SREBF2: variants seen among roughly 807,000 people sequenced by gnomAD.
The protein encoded by SREBF2 is sterol regulatory element-binding protein 2.
In SREBF2, 55 loss-of-function variants were observed where a neutral mutation model predicts 113.1. The observed-to-expected ratio is 0.49, with a 90% CI of 0.39 to 0.61. The LOEUF (loss-of-function observed/expected upper bound fraction) is 0.61. SREBF2 is among the 20% of genes least tolerant of loss of function. The pLI, the probability that SREBF2 is intolerant of heterozygous loss-of-function variation, is 0.00. For synonymous variants in SREBF2, 593 were observed against 605.7 expected, an observed-to-expected ratio of 0.98 and a Z score of 0.31; for missense variants, 1,349 against 1,487.4, an observed-to-expected ratio of 0.91 and a Z score of 1.53.
intron 1 of SREBF2, among the ~76,000 whole-genome samples, chr22:41,866,565 A>G (rs559956654): frequency 2.6e-5 from 4 of 152,062 alleles, no homozygotes; most frequent in South Asian, 2.1e-4. Flanking sequence ...AAAAGAAAAA[A>G]GAAAGAAAAT....
At chr22:41,885,263 T>G (rs148966173) in intron 11 of SREBF2, among the ~76,000 whole-genome samples, 1 of 152,288 alleles carries the variant, frequency 6.6e-6, no homozygotes, top group African/African-American at 2.4e-5. Context: ...TGAGGTAATA[T>G]GAGGTAATAT....
intron 1 of SREBF2, among the ~76,000 whole-genome samples, chr22:41,864,257 TATATACACACACACACAC>T (rs2077052398): frequency 1.4e-5 from 1 of 72,796 alleles, no homozygotes; most frequent in Admixed American, 1.6e-4. Context: ...TATATATATA[TATATACACACACACACAC>T]ACACACACAA....
intron 1 of SREBF2, among the ~76,000 whole-genome samples, chr22:41,858,488 C>T (rs1256599455): frequency 1.3e-5 from 2 of 151,618 alleles, no homozygotes; most frequent in Non-Finnish European, 2.9e-5. Context: ...CATGTTGGCT[C>T]ATGCTTGTAA....
At chr22:41,844,992 G>A (rs990097127) in intron 1 of SREBF2, among the ~76,000 whole-genome samples, 1 of 138,160 alleles carries the variant, frequency 7.2e-6, no homozygotes, top group African/African-American at 2.8e-5. Flanking sequence ...GCAGTGGCAC[G>A]ATCTCTGCTC....
Position 41,873,867 on chromosome 22 carries a change from A to G in SREBF2, c.937A>G (p.Ile313Val). The G allele has an allele frequency of 6.2e-7, 1 of 1,613,856 alleles. No homozygotes were observed. Among genetic ancestry groups the G allele is most frequent in the Non-Finnish European group, 8.5e-7 (1 of 1,179,890 alleles). The change falls in exon 5 of 19, where the codon ATT becomes GTT. Residue 313 changes from isoleucine (I) to valine (V), a missense_variant. Ile to Val is a conservative substitution (Grantham distance 29, BLOSUM62 3). Around this residue, in one of 2 missense-constraint regions of SREBF2, gnomAD observed 699 missense variants for 843.3 expected, o/e 0.83. Coordinates refer to ENST00000361204, the MANE Select transcript of SREBF2 (RefSeq NM_004599.4). ...AATGATGGGGCAAGAGAAAGTGCCC[A>G]TTAAGCAGGTACCTGGGGGAGTCAA... is the stretch of plus-strand genomic sequence containing the variant. ...PVMMGQEKVPIKQVPGGVKQL... is the reference protein window; with the variant it reads ...PVMMGQEKVPVKQVPGGVKQL...
chr22:41,902,182 C>T (rs889307749), intron 16 of SREBF2, among the ~76,000 whole-genome samples: 7 of 152,112 alleles, frequency 4.6e-5, no homozygotes, highest in Non-Finnish European at 8.8e-5. Context: ...TCATCAGGAC[C>T]GGAGGGCTGC....
intron 13 of SREBF2, among the ~76,000 whole-genome samples, chr22:41,895,521 T>C (rs2077407135): frequency 6.8e-6 from 1 of 147,740 alleles, no homozygotes; most frequent in African/African-American, 2.5e-5. Flanking sequence ...CTGCAACCTC[T>C]GCCTCCCGGG....
chr22:41,864,769 T>C (rs1023410213), intron 1 of SREBF2, among the ~76,000 whole-genome samples: 8 of 149,598 alleles, frequency 5.3e-5, no homozygotes, highest in Non-Finnish European at 1.2e-4. Context: ...CTGGGCAACA[T>C]GGTGAAATCT....
chr22:41,865,570 T>C (rs900821570), intron 1 of SREBF2, among the ~76,000 whole-genome samples: 19 of 152,150 alleles, frequency 1.2e-4, no homozygotes, highest in Admixed American at 1.2e-3. Flanking sequence ...GGAAGTAGGC[T>C]TGAGACCCTT....
Position 41,893,435 on chromosome 22 carries a change from A to C in SREBF2, c.2377+150A>C. On this transcript the variant is annotated intron_variant, in intron 12 of 18. Transcript: ENST00000361204. ...GTTTGTTTGTTTGTTTGTTTGAACC[A>C]AAGCTCAGGGAGGTTGAGTAACTTG... is the stretch of plus-strand genomic sequence containing the variant. 5.2e-6 allele frequency: 5 copies of C among 970,096 alleles called. No individual in the cohort carries two copies. The South Asian group carries it at 6.9e-5, about 13-fold the overall frequency. The allele number at this position is 970,096 out of a possible 1,614,324, so 60.1% of individuals were successfully genotyped here. A position where few individuals can be genotyped will look rare whatever the true frequency, so the allele number is the denominator to read the frequency against.
At chr22:41,881,312 T>A (rs1390360996) in intron 10 of SREBF2, among the ~76,000 whole-genome samples, 1 of 152,272 alleles carries the variant, frequency 6.6e-6, no homozygotes, top group Non-Finnish European at 1.5e-5. Context: ...TTAAAATTGC[T>A]GACATCTTAG....
At position 41,868,680 on chromosome 22, in the gene SREBF2, T is replaced by TGAAGAC. The variant is rs1211689580; in HGVS notation, c.609_610insAAGACG (p.Val203_Gln204insLysThr). 2 of 1,614,076 alleles carry TGAAGAC rather than the reference T, an allele frequency of 1.2e-6. No individual in the cohort carries two copies. Among genetic ancestry groups the TGAAGAC allele is most frequent in the Non-Finnish European group, 1.7e-6 (2 of 1,180,038 alleles). On this transcript the variant is annotated inframe_insertion, in exon 3 of 19. Coordinates refer to ENST00000361204, the MANE Select transcript of SREBF2 (RefSeq NM_004599.4). ...CAGCCGGTCACCATTCAGCAGCAGG[T>TGAAGAC]GCAGACAGTACAGGCCCAGCGGGTG...
chr22:41,904,999 C>T (rs777740548), intron 18 of SREBF2, 25 bp downstream of exon 18: 3 of 1,547,832 alleles, frequency 1.9e-6, no homozygotes, highest in East Asian at 2.3e-5. Flanking sequence ...CCCCAGCTCA[C>T]AGGCTGGGCC....
chr22:41,858,124 T>C (rs1227587990), intron 1 of SREBF2, among the ~76,000 whole-genome samples: 1 of 152,220 alleles, frequency 6.6e-6, no homozygotes, highest in Non-Finnish European at 1.5e-5. Flanking sequence ...TTCTGTACAT[T>C]CAATCAGGAT....
chr22:41,902,958 C>G lies in SREBF2; in HGVS notation c.2908-12C>G. 1 of 1,607,406 alleles carries G rather than the reference C, an allele frequency of 6.2e-7. No individual in the cohort carries two copies. Among genetic ancestry groups the G allele is most frequent in the Admixed American group, 1.7e-5 (1 of 59,476 alleles). ...GTCACCTGTCTCCCCTCTCTCGTGG[C>G]TGACCCCACAGGTGGTCCAGCTGCT... On this transcript the variant is annotated splice_polypyrimidine_tract_variant and intron_variant, in intron 16 of 18. Coordinates refer to ENST00000361204, the MANE Select transcript of SREBF2 (RefSeq NM_004599.4).
intron 1 of SREBF2, among the ~76,000 whole-genome samples, chr22:41,834,896 G>A (rs1406436487): frequency 6.6e-6 from 1 of 152,138 alleles, no homozygotes; most frequent in African/African-American, 2.4e-5. Context: ...AGTTATACAC[G>A]TTAATGTTCT....
At chr22:41,898,908 C>G in intron 15 of SREBF2, 127 bp downstream of exon 15, 1 of 1,402,678 alleles carries the variant, frequency 7.1e-7, no homozygotes, top group Non-Finnish European at 9.8e-7. Flanking sequence ...AGGTGGGCGG[C>G]TAGAAAAGTC....
At chr22:41,841,070 A>G (rs2076826292) in intron 1 of SREBF2, among the ~76,000 whole-genome samples, 1 of 152,236 alleles carries the variant, frequency 6.6e-6, no homozygotes, top group Non-Finnish European at 1.5e-5. Context: ...CCTCAAGTTC[A>G]GTCTGGGTGT....
At chr22:41,893,017 C>A in intron 11 of SREBF2, 100 bp from the exon 12 acceptor site, 1 of 1,443,328 alleles carries the variant, frequency 6.9e-7, no homozygotes. Context: ...CCCAGTCTCC[C>A]CCAAAGCCCA....
Sources: gnomAD v4.1 joint callset for allele counts (sites outside exome capture counted in the v4.1 genomes callset) on GRCh38, gnomAD v4.1.1 for gene constraint, gnomAD v4.1.1 regional missense constraint, MANE v1.5 for transcripts, NCBI Gene and HGNC (gene_info 2026-07-23, HGNC 2026-07-21) for gene names.